CDH7: variants seen among roughly 807,000 people sequenced by gnomAD.
CDH7 encodes cadherin-7.
In CDH7, 25 loss-of-function variants were observed where a neutral mutation model predicts 71.8. The observed-to-expected ratio is 0.35, with a 90% CI of 0.25 to 0.49. The LOEUF (loss-of-function observed/expected upper bound fraction) is 0.49, where lower values mean the gene tolerates loss of function less well. Ranked by LOEUF, CDH7 falls within the 20% of genes least tolerant of loss-of-function variation. CDH7 has a pLI of 0.99. For synonymous variants in CDH7, 381 were observed against 363.8 expected (o/e 1.05, Z -0.54); for missense variants, 862 against 974.6 (o/e 0.88, Z 1.54).
At position 65,835,334 on chromosome 18, in the gene CDH7, G is replaced by A. The variant is rs151038165; in HGVS notation, c.982-8478G>A. Among the ~76,000 whole-genome samples the A allele has an allele frequency of 8.5e-5, 13 of 152,264 alleles. No individual in the cohort carries two copies. The East Asian group carries it at 1.7e-3, about 20-fold the overall frequency. ...AAAGTATTGTGGACACAGGGAAAGT[G>A]GGAAAAATATGTTGAGTTCCAGCGC... On this transcript the variant is annotated intron_variant, in intron 6 of 11. Transcript: ENST00000397968.
intron 7 of CDH7, among the ~76,000 whole-genome samples, chr18:65,852,637 A>G (rs12962431): frequency 0.53 from 80,242 of 152,052 alleles, 25,035 homozygotes; most frequent in East Asian, 0.92. Context: ...TAGGCTAAAA[A>G]TGTATTTTGT....
chr18:65,877,859 A>T (rs1442196966), intron 11 of CDH7, among the ~76,000 whole-genome samples: 1 of 152,188 alleles, frequency 6.6e-6, no homozygotes, highest in Non-Finnish European at 1.5e-5. Flanking sequence ...GTATTTTAAA[A>T]ATTGTTGTCT....
chr18:65,812,422 A>G (rs1415085545), intron 3 of CDH7, among the ~76,000 whole-genome samples: 2 of 152,218 alleles, frequency 1.3e-5, no homozygotes, highest in African/African-American at 4.8e-5. Context: ...AACATGGAAT[A>G]CCTAAACTAC....
intron 6 of CDH7, among the ~76,000 whole-genome samples, chr18:65,833,632 G>C (rs1267559297): frequency 6.6e-6 from 1 of 152,054 alleles, no homozygotes; most frequent in African/African-American, 2.4e-5. Flanking sequence ...GTATATACTA[G>C]CATACTTTAA....
intron 6 of CDH7, among the ~76,000 whole-genome samples, chr18:65,829,292 G>A (rs1912247522): frequency 6.6e-6 from 1 of 151,868 alleles, no homozygotes; most frequent in Admixed American, 6.6e-5. Context: ...GCTAATTTTT[G>A]TATTTTTAGT....
chr18:65,794,304 TC>T (rs1741865220), intron 2 of CDH7, among the ~76,000 whole-genome samples: 1 of 152,104 alleles, frequency 6.6e-6, no homozygotes, highest in South Asian at 2.1e-4. Context: ...ATGATTTTGT[TC>T]CAGAGAAGAA....
intron 2 of CDH7, among the ~76,000 whole-genome samples, chr18:65,781,856 T>TCTCTCTCTCTCTGTCTCTCTCTCTC (rs1568181648): frequency 3.8e-5 from 3 of 79,204 alleles, no homozygotes; most frequent in African/African-American, 3.0e-4. Context: ...CTTTCTTTCT[T>TCTCTCTCTCTCTGTCTCTCTCTCTC]TCTTTCTTTC....
chr18:65,764,787 G>A (rs1208187787), intron 2 of CDH7, among the ~76,000 whole-genome samples: 1 of 152,048 alleles, frequency 6.6e-6, no homozygotes, highest in Non-Finnish European at 1.5e-5. Flanking sequence ...TTGCTTGGGT[G>A]AAGTTGACAT....
At chr18:65,757,122 A>G (rs1916052825) in intron 1 of CDH7, among the ~76,000 whole-genome samples, 1 of 151,890 alleles carries the variant, frequency 6.6e-6, no homozygotes, top group Non-Finnish European at 1.5e-5. Flanking sequence ...AGAGCACGAT[A>G]GTCACTTGAT....
chr18:65,824,404 A>AT (rs1281799781), intron 5 of CDH7, among the ~76,000 whole-genome samples: 3 of 151,760 alleles, frequency 2.0e-5, no homozygotes, highest in Non-Finnish European at 3.0e-5. Context: ...GGAATTAGAG[A>AT]TTCTTCTCTT....
At chr18:65,816,008 A>G (rs532320197) in intron 4 of CDH7, among the ~76,000 whole-genome samples, 56 of 152,322 alleles carry the variant, frequency 3.7e-4, no homozygotes, top group African/African-American at 1.3e-3. Flanking sequence ...TGATTGGCTT[A>G]TGATTTTGGC....
intron 6 of CDH7, among the ~76,000 whole-genome samples, chr18:65,841,173 A>G (rs1336365633): frequency 1.3e-5 from 2 of 152,092 alleles, no homozygotes; most frequent in Admixed American, 6.6e-5. Context: ...TATTTTCATA[A>G]TAGCTTTTAG....
At chr18:65,866,315 C>CA (rs1568228989) in intron 11 of CDH7, 6 of 1,358 alleles carry the variant, frequency 4.4e-3, no homozygotes, top group African/African-American at 9.0e-3. Flanking sequence ...AAAAAAAAAA[C>CA]AAAAAAAAAA....
In CDH7 at chr18:65,820,505, T is replaced by G. The variant is rs189619805; in HGVS notation, c.626-1576T>G. On this transcript the variant is annotated intron_variant, in intron 4 of 11. Coordinates refer to ENST00000397968, the MANE Select transcript of CDH7 (RefSeq NM_004361.5). ...GAATGCTTTTCCAAATTTAGACAGT[T>G]TTTACTTAAAAGTGAGCAAATGCCA... 3.0e-3 allele frequency among the ~76,000 whole-genome samples: 459 copies of G among 152,214 alleles called. 6 individuals carry two copies. The highest frequency in any genetic ancestry group is 5.3e-3 in the African/African-American group (221 of 41,546).
rs1206438992 is a variant in CDH7, at chr18:65,880,436, A to G, written c.1900A>G (p.Lys634Glu). 6.4e-7 allele frequency: 1 copy of G among 1,559,288 alleles called. No individual in the cohort carries two copies. Among genetic ancestry groups the G allele is most frequent in the African/African-American group, 1.4e-5 (1 of 72,452 alleles). The part of the protein sequence containing the change: ...ILLIVTMRRR[K>E]KEPLIFDEER... Reference sequence around the variant, plus strand: ...CCTTATCGTCACTATGAGAAGACGGAAAAAAGAGCCCCTTATTTTTGACGA... The same window carrying G: ...CCTTATCGTCACTATGAGAAGACGGGAAAAAGAGCCCCTTATTTTTGACGA... Residue 634 changes from lysine (K) to glutamate (E), a missense_variant, in exon 12 of 12, where the codon AAA becomes GAA. Transcript: ENST00000397968.
At chr18:65,822,949 T>C (rs1911989479) in intron 5 of CDH7, among the ~76,000 whole-genome samples, 1 of 151,894 alleles carries the variant, frequency 6.6e-6, no homozygotes. Context: ...AGTTCCCTTT[T>C]TTTCCCTAAG....
At position 65,762,712 on chromosome 18, in the gene CDH7, C is replaced by G; in HGVS notation, c.-131C>G. The G allele has an allele frequency of 1.5e-6, 1 of 689,500 alleles. No homozygotes were observed. Among genetic ancestry groups the G allele is most frequent in the Non-Finnish European group, 2.4e-6 (1 of 414,660 alleles). The allele number at this position is 689,500 out of a possible 1,614,324, so 42.7% of individuals were successfully genotyped here. On this transcript the variant is annotated 5_prime_UTR_variant, in exon 2 of 12. Coordinates refer to ENST00000397968, the MANE Select transcript of CDH7 (RefSeq NM_004361.5). ...TGGTGACCTCTTCCAATCCAACACT[C>G]TACAGATTATTATCTCTGGACTCCC...
At chr18:65,771,832 T>G (rs8092224) in intron 2 of CDH7, among the ~76,000 whole-genome samples, 1 of 152,158 alleles carries the variant, frequency 6.6e-6, no homozygotes, top group Admixed American at 6.6e-5. Flanking sequence ...GAGAGCCAAA[T>G]GACATTGGGG....
intron 11 of CDH7, among the ~76,000 whole-genome samples, chr18:65,877,657 G>C (rs1033273758): frequency 6.6e-6 from 1 of 151,880 alleles, no homozygotes; most frequent in Non-Finnish European, 1.5e-5. Flanking sequence ...GCCTCCATCT[G>C]TGCATCCCAT....
Sources: allele counts gnomAD v4.1 joint callset (sites outside exome capture counted in the v4.1 genomes callset), GRCh38; gene constraint gnomAD v4.1.1; transcripts MANE v1.5; gene names NCBI Gene and HGNC (gene_info 2026-07-23, HGNC 2026-07-21).